TP73: variants seen among roughly 807,000 people sequenced by gnomAD.
The protein encoded by TP73 is p53-like transcription factor.
TP73 carries 25 observed loss-of-function variants against 62.5 expected under a neutral mutation model. The ratio of observed to expected loss-of-function variants is 0.40; its 90% confidence interval spans 0.29 to 0.56. The LOEUF is 0.56. TP73 is among the 20% of genes least tolerant of loss of function. The pLI, the probability that TP73 is intolerant of heterozygous loss-of-function variation, is 0.46. For synonymous variants in TP73, 423 were observed against 377.5 expected (o/e 1.12, Z -1.40); for missense variants, 754 against 913.3 (o/e 0.83, Z 2.25).
intron 3 of TP73, among the ~76,000 whole-genome samples, chr1:3,691,133 A>G (rs1195392334): frequency 6.6e-6 from 1 of 152,154 alleles, no homozygotes; most frequent in Non-Finnish European, 1.5e-5. Flanking sequence ...GGAGGCAAGC[A>G]GATTCGGGCT....
chr1:3,734,590 CA>C lies in TP73; in HGVS notation c.*1512del, dbSNP rs1377846777. On this transcript the variant is annotated 3_prime_UTR_variant, in exon 14 of 14. Transcript: ENST00000378295. This position sits in a 1 kb window ranked among gnomAD's most constrained non-coding sequence, Gnocchi z 4.4. ...AGGAGCTTCCCCTACTAACATCTCC[CA>C]GAAAAAGCAGTTAAGCCCCTCAGGG... is the stretch of plus-strand genomic sequence containing the variant. 1 of 152,264 alleles carries C rather than the reference CA, an allele frequency of 6.6e-6. No individual in the cohort carries two copies. The allele number at this position is 152,264 out of a possible 1,614,324, so 9.4% of individuals were successfully genotyped here. A position where few individuals can be genotyped will look rare whatever the true frequency, so the allele number is the denominator to read the frequency against.
chr1:3,708,113 G>C (rs1430544878), intron 4 of TP73: 1 of 440,336 alleles, frequency 2.3e-6, no homozygotes, highest in Non-Finnish European at 4.2e-6. Context: ...TCTTTGGTTT[G>C]AAATCCTGTC....
At chr1:3,688,815 G>A (rs538672464) in intron 3 of TP73, among the ~76,000 whole-genome samples, 48 of 152,302 alleles carry the variant, frequency 3.2e-4, no homozygotes, top group Non-Finnish European at 5.6e-4. Context: ...TCTCAGGCAC[G>A]GTGCCCTGGG....
At chr1:3,724,241 G>A (rs1403150696) in intron 6 of TP73, among the ~76,000 whole-genome samples, 2 of 152,140 alleles carry the variant, frequency 1.3e-5, no homozygotes, top group Non-Finnish European at 2.9e-5. Context: ...GGCAGAACAG[G>A]AGGTGAGGAG....
chr1:3,719,316 T>C (rs969000926), intron 4 of TP73, among the ~76,000 whole-genome samples: 4 of 152,182 alleles, frequency 2.6e-5, no homozygotes, highest in African/African-American at 4.8e-5. Context: ...CAAGAGGTGC[T>C]CCATAAATGC....
intron 3 of TP73, among the ~76,000 whole-genome samples, chr1:3,695,262 A>G (rs1262937108): frequency 1.3e-5 from 2 of 152,232 alleles, no homozygotes; most frequent in Admixed American, 1.3e-4. Flanking sequence ...ACCAACACCC[A>G]GGAGTCTCCC....
chr1:3,660,744 CACA>C (rs1450701684), intron 1 of TP73, among the ~76,000 whole-genome samples: 1 of 152,194 alleles, frequency 6.6e-6, no homozygotes, highest in Non-Finnish European at 1.5e-5. Flanking sequence ...TTCTCGAAGA[CACA>C]ACATTTTAGA....
intron 3 of TP73, among the ~76,000 whole-genome samples, chr1:3,687,751 C>T (rs967640585): frequency 3.3e-5 from 5 of 152,198 alleles, no homozygotes; most frequent in African/African-American, 9.6e-5. Context: ...GGCCCCTCCC[C>T]TGTGCCCCTT....
chr1:3,728,059 C>G, intron 8 of TP73, 70 bp from the exon 9 acceptor site: 1 of 1,461,968 alleles, frequency 6.8e-7, no homozygotes, highest in African/African-American at 1.4e-5. Flanking sequence ...GCAGGTCTCC[C>G]TCCTCCCGGA....
At chr1:3,729,502 C>G (rs748863965) in intron 10 of TP73, 54 bp downstream of exon 10, 32 of 1,609,318 alleles carry the variant, frequency 2.0e-5, no homozygotes, top group Non-Finnish European at 2.5e-5. Context: ...TGGCTTAACC[C>G]CCCAGGAGAA....
chr1:3,729,168 AGAG>A (rs1302658860), intron 9 of TP73, among the ~76,000 whole-genome samples, 156 bp from the exon 10 acceptor site: 2 of 151,796 alleles, frequency 1.3e-5, no homozygotes, highest in African/African-American at 2.4e-5. Flanking sequence ...CTTCTTGGGA[AGAG>A]GAAAGAAGAT....
chr1:3,652,718 C>A, intron 1 of TP73, 77 bp downstream of exon 1: 1 of 152,562 alleles, frequency 6.6e-6, no homozygotes, highest in African/African-American at 2.4e-5. Context: ...GGCACCTGGG[C>A]TCGCAGCTCC....
chr1:3,726,580 T>G (rs1224455892), intron 6 of TP73, among the ~76,000 whole-genome samples: 2 of 114,678 alleles, frequency 1.7e-5, no homozygotes, highest in Admixed American at 9.4e-5. Flanking sequence ...AGTGGGGGAG[T>G]GGATGGATGG....
chr1:3,653,960 G>C (rs1362347959), intron 1 of TP73, among the ~76,000 whole-genome samples: 1 of 152,226 alleles, frequency 6.6e-6, no homozygotes, highest in Non-Finnish European at 1.5e-5. Flanking sequence ...GATCACCTGA[G>C]GTCAGGAGTT....
intron 6 of TP73, among the ~76,000 whole-genome samples, chr1:3,726,089 T>G: frequency 5.0e-5 from 2 of 40,030 alleles, no homozygotes. Context: ...TTTATTGATA[T>G]TGAATGGGTG....
At chr1:3,719,135 A>AG (rs57780750) in intron 4 of TP73, among the ~76,000 whole-genome samples, 2,400 of 152,138 alleles carry the variant, frequency 0.016, 70 homozygotes, top group African/African-American at 0.055. Flanking sequence ...GTCTGTTTCA[A>AG]GGGGGGTCTG....
intron 4 of TP73, among the ~76,000 whole-genome samples, chr1:3,718,620 T>C (rs1174282357): frequency 6.6e-6 from 1 of 152,070 alleles, no homozygotes; most frequent in Non-Finnish European, 1.5e-5. Context: ...TGAGACTCCA[T>C]GGGGCTGTCA....
chr1:3,685,028 G>A (rs1422446910), intron 3 of TP73, among the ~76,000 whole-genome samples: 4 of 152,146 alleles, frequency 2.6e-5, no homozygotes, highest in African/African-American at 9.7e-5. Flanking sequence ...CTGGGGAGGG[G>A]CAGGAACTGG....
In TP73 at chr1:3,696,231, T is replaced by C. The variant is rs1445066070; in HGVS notation, c.187-11318T>C. On this transcript the variant is annotated intron_variant, in intron 3 of 13. Transcript: ENST00000378295. This position sits in a 1 kb window ranked among gnomAD's most constrained non-coding sequence, Gnocchi z 4.1. ...TTAGGGTGGAGTTTGAAGGTGACCTTAGAGGAAGAGCAGGGGAGGATTCCA... is the reference window on the plus strand; with the variant it reads ...TTAGGGTGGAGTTTGAAGGTGACCTCAGAGGAAGAGCAGGGGAGGATTCCA... 6.6e-6 allele frequency among the ~76,000 whole-genome samples: 1 copy of C among 151,874 alleles called. No homozygotes were observed. Among genetic ancestry groups the C allele is most frequent in the Non-Finnish European group, 1.5e-5 (1 of 67,944 alleles).
Sources: allele counts gnomAD v4.1 joint callset (sites outside exome capture counted in the v4.1 genomes callset), GRCh38; gene constraint gnomAD v4.1.1; non-coding constraint Gnocchi (gnomAD v3.1); transcripts MANE v1.5; gene names NCBI Gene and HGNC (gene_info 2026-07-23, HGNC 2026-07-21).